GRIA1: variants seen among roughly 807,000 people sequenced by gnomAD.
GRIA1 encodes the protein glutamate receptor 1.
GRIA1 carries 31 observed loss-of-function variants against 99.2 expected under a neutral mutation model. The ratio of observed to expected loss-of-function variants is 0.31; its 90% CI spans 0.23 to 0.42. GRIA1 has a LOEUF of 0.42. Ranked by LOEUF, GRIA1 falls within the 10% of genes least tolerant of loss-of-function variation. The pLI is 1.00. For missense variants in GRIA1, 782 were observed against 1,157.5 expected, an observed-to-expected ratio of 0.68 and a Z score of 4.71; for synonymous variants, 438 against 432.4, an observed-to-expected ratio of 1.01 and a Z score of -0.16.
At chr5:153,707,721 T>A (rs1445790472) in intron 11 of GRIA1, among the ~76,000 whole-genome samples, 1 of 152,130 alleles carries the variant, frequency 6.6e-6, no homozygotes, top group Non-Finnish European at 1.5e-5. Flanking sequence ...GTAAATTCTT[T>A]CTAACAAGCT....
intron 2 of GRIA1, among the ~76,000 whole-genome samples, chr5:153,531,280 T>G (rs1190337801): frequency 6.6e-6 from 1 of 152,082 alleles, no homozygotes; most frequent in East Asian, 1.9e-4. Context: ...GGTTGTAGGG[T>G]CAGTCAGGGA....
chr5:153,612,397 T>C (rs182398026), intron 2 of GRIA1, among the ~76,000 whole-genome samples: 15 of 152,336 alleles, frequency 9.8e-5, no homozygotes, highest in Admixed American at 2.0e-4. Context: ...GGCTTGGAAA[T>C]CAAATCTGCA....
chr5:153,561,768 AAG>A (rs1456158796), intron 2 of GRIA1, among the ~76,000 whole-genome samples: 1 of 152,170 alleles, frequency 6.6e-6, no homozygotes, highest in Non-Finnish European at 1.5e-5. Context: ...ATTATTTGCC[AAG>A]AGAGAGGTAT....
At chr5:153,537,933 G>A (rs1007881573) in intron 2 of GRIA1, among the ~76,000 whole-genome samples, 2 of 152,152 alleles carry the variant, frequency 1.3e-5, no homozygotes, top group African/African-American at 2.4e-5. Context: ...GTGATTAGAC[G>A]AAAGGGAAAG....
At position 153,490,857 on chromosome 5, in the gene GRIA1, T is replaced by C. The variant is rs754678234; in HGVS notation, c.-32T>C. The stretch of plus-strand genomic sequence containing the variant: ...GAAACACCAAATCTATGATTGGACC[T>C]GGGCTTCTTTTTCGCCAATGCAAAA... On this transcript the variant is annotated 5_prime_UTR_variant, in exon 1 of 16. Coordinates refer to ENST00000285900, the MANE Select transcript of GRIA1 (RefSeq NM_000827.4). 11 of 1,518,710 alleles carry C rather than the reference T, an allele frequency of 7.2e-6. No individual in the cohort carries two copies. The highest frequency in any genetic ancestry group is 8.2e-6 in the Non-Finnish European group (9 of 1,093,092). The allele number at this position is 1,518,710 out of a possible 1,614,324, so 94.1% of individuals were successfully genotyped here.
At chr5:153,740,056 C>T (rs1266525183) in intron 11 of GRIA1, among the ~76,000 whole-genome samples, 3 of 152,212 alleles carry the variant, frequency 2.0e-5, no homozygotes, top group Admixed American at 2.0e-4. Flanking sequence ...ATGCAAATCC[C>T]TATTGATACA....
intron 1 of GRIA1, chr5:153,492,130 A>C: frequency 7.1e-7 from 1 of 1,415,034 alleles, no homozygotes; most frequent in African/African-American, 1.4e-5. Flanking sequence ...CATTGCTGGG[A>C]GTTTGTGCTC....
intron 2 of GRIA1, among the ~76,000 whole-genome samples, chr5:153,538,586 A>G (rs1336561564): frequency 6.6e-6 from 1 of 152,166 alleles, no homozygotes; most frequent in Non-Finnish European, 1.5e-5. Context: ...GGACACTCAC[A>G]CAGCTAAATG....
At chr5:153,531,812 T>C (rs943766221) in intron 2 of GRIA1, among the ~76,000 whole-genome samples, 1 of 152,190 alleles carries the variant, frequency 6.6e-6, no homozygotes, top group Non-Finnish European at 1.5e-5. Flanking sequence ...ATGTATATTA[T>C]CTCATTTAAG....
intron 2 of GRIA1, among the ~76,000 whole-genome samples, chr5:153,608,342 T>G (rs1283684371): frequency 1.3e-5 from 2 of 152,198 alleles, no homozygotes; most frequent in Admixed American, 6.5e-5. Context: ...CAGACATCAT[T>G]TATGTGTCCT....
chr5:153,756,427 A>G (rs1762830980), intron 11 of GRIA1, among the ~76,000 whole-genome samples: 1 of 152,168 alleles, frequency 6.6e-6, no homozygotes, highest in Non-Finnish European at 1.5e-5. Context: ...CAGTAAGAGA[A>G]CTGCCCTGGC....
chr5:153,725,059 C>T (rs1479890862), intron 11 of GRIA1, among the ~76,000 whole-genome samples: 3 of 152,206 alleles, frequency 2.0e-5, no homozygotes, highest in Non-Finnish European at 4.4e-5. Context: ...TCGGCAGAAA[C>T]TCTACAAGCC....
At chr5:153,492,454 C>T (rs900410045) in intron 1 of GRIA1, 2 of 777,488 alleles carry the variant, frequency 2.6e-6, no homozygotes, top group African/African-American at 3.5e-5. Flanking sequence ...AGAAAGGGGA[C>T]AGGGAAGTGT....
At chr5:153,792,288 C>T (rs750184365) in intron 13 of GRIA1, among the ~76,000 whole-genome samples, 1 of 152,202 alleles carries the variant, frequency 6.6e-6, no homozygotes, top group Non-Finnish European at 1.5e-5. Context: ...TCTACTTTCT[C>T]TAAACACTTC....
intron 3 of GRIA1, among the ~76,000 whole-genome samples, chr5:153,649,258 A>G (rs1343237479): frequency 6.6e-6 from 1 of 152,212 alleles, no homozygotes; most frequent in Non-Finnish European, 1.5e-5. Flanking sequence ...ACTGTAAGAT[A>G]GTACATTTGT....
intron 2 of GRIA1, among the ~76,000 whole-genome samples, chr5:153,536,774 G>T (rs1309293675): frequency 6.6e-6 from 1 of 152,170 alleles, no homozygotes; most frequent in Admixed American, 6.5e-5. Context: ...CTAACTTGAG[G>T]TTATGGAGAA....
intron 12 of GRIA1, among the ~76,000 whole-genome samples, chr5:153,765,184 C>A (rs1003404102): frequency 6.6e-6 from 1 of 152,010 alleles, no homozygotes; most frequent in Non-Finnish European, 1.5e-5. Context: ...AGACAGTGAG[C>A]GGAAGCAAAG....
At chr5:153,588,214 T>C (rs1763660874) in intron 2 of GRIA1, among the ~76,000 whole-genome samples, 1 of 152,188 alleles carries the variant, frequency 6.6e-6, no homozygotes, top group Non-Finnish European at 1.5e-5. Context: ...TGTCTAGATA[T>C]TTGAGGGAAT....
intron 5 of GRIA1, among the ~76,000 whole-genome samples, chr5:153,658,972 ACAAAG>A (rs920636694): frequency 4.9e-5 from 7 of 143,978 alleles, no homozygotes; most frequent in South Asian, 2.1e-4. Flanking sequence ...TCAAAACAAA[ACAAAG>A]CAAAACAAAA....
Sources: allele counts gnomAD v4.1 joint callset (sites outside exome capture counted in the v4.1 genomes callset), GRCh38; gene constraint gnomAD v4.1.1; transcripts MANE v1.5; gene names NCBI Gene and HGNC (gene_info 2026-07-23, HGNC 2026-07-21).